NCOA2: variants seen among roughly 807,000 people sequenced by gnomAD.
NCOA2 encodes the protein nuclear receptor coactivator 2.
A neutral mutation model predicts 145.1 loss-of-function variants in NCOA2; 21 were observed. The ratio of observed to expected loss-of-function variants is 0.14; its 90% CI spans 0.10 to 0.21. NCOA2 has a LOEUF of 0.21. NCOA2 is among the 10% of genes least tolerant of loss of function. The pLI, the probability that NCOA2 is intolerant of heterozygous loss-of-function variation, is 1.00. For synonymous variants in NCOA2, 619 were observed against 637.5 expected, an observed-to-expected ratio of 0.97 and a Z score of 0.44; for missense variants, 1,472 against 1,837.6, an observed-to-expected ratio of 0.80 and a Z score of 3.64.
chr8:70,347,888 T>C (rs923713270), intron 1 of NCOA2, among the ~76,000 whole-genome samples: 27 of 152,230 alleles, frequency 1.8e-4, no homozygotes, highest in Non-Finnish European at 4.0e-4. Flanking sequence ...TGGACTTCTG[T>C]ATTGTTAATT....
rs368772002 is a variant in NCOA2 at position 70,180,111 on chromosome 8, C to T, written c.260-5252G>A. 3.6e-4 allele frequency among the ~76,000 whole-genome samples: 55 copies of T among 152,228 alleles called. No individual in the cohort carries two copies. The East Asian group carries it at 3.7e-3, about 10-fold the overall frequency. On this transcript the variant is annotated intron_variant, in intron 4 of 22. Coordinates refer to ENST00000452400, the MANE Select transcript of NCOA2 (RefSeq NM_006540.4). ...AGTTTTTCTTTTTAGATAAAGACCA[C>T]GACCTAAGAAAGTAACAATGAAAAT...
chr8:70,396,009 T>C (rs1813634156), intron 1 of NCOA2, among the ~76,000 whole-genome samples: 1 of 152,196 alleles, frequency 6.6e-6, no homozygotes, highest in Non-Finnish European at 1.5e-5. Flanking sequence ...GTGCAAACAA[T>C]TGAGCAGACA....
At chr8:70,403,810 C>T (rs1473466295), upstream of NCOA2, 2 of 397,170 alleles carry the variant, frequency 5.0e-6, no homozygotes, top group Non-Finnish European at 8.9e-6. Flanking sequence ...ATAACTGCTG[C>T]CTGGTTGTTT....
intron 1 of NCOA2, among the ~76,000 whole-genome samples, chr8:70,299,900 G>A (rs1827367595): frequency 6.6e-6 from 1 of 152,148 alleles, no homozygotes; most frequent in African/African-American, 2.4e-5. Flanking sequence ...TTTATCAAGG[G>A]ATTTTCTTAA....
In NCOA2 at chr8:70,248,065, C is replaced by G. The variant is rs148500494; in HGVS notation, c.-19-31301G>C. On this transcript the variant is annotated intron_variant, in intron 2 of 22. Coordinates refer to ENST00000452400, the MANE Select transcript of NCOA2 (RefSeq NM_006540.4). ...TTCTTCACCAAGGCAGTAGTGTTTA[C>G]AAGGGAATTAGACTAGATAATTTGT... is the stretch of plus-strand genomic sequence containing the variant. Among the ~76,000 whole-genome samples the G allele has an allele frequency of 2.0e-5, 3 of 152,268 alleles. No individual in the cohort carries two copies. In the East Asian group the frequency reaches 5.8e-4, roughly 29 times the overall value.
At chr8:70,237,381 C>T (rs1247169315) in intron 2 of NCOA2, among the ~76,000 whole-genome samples, 2 of 151,600 alleles carry the variant, frequency 1.3e-5, no homozygotes, top group Non-Finnish European at 2.9e-5. Flanking sequence ...CAACTTCTTA[C>T]TGTGCATGTC....
At chr8:70,441,040 AAGAGAAAGAAAAGAAAG>A in the NCOA2 span, among the ~76,000 whole-genome samples, 31 of 47,072 alleles carry the variant, frequency 6.6e-4, no homozygotes, top group Admixed American at 8.5e-3. Flanking sequence ...AAATGAAAGA[AAGAGAAAGAAAAGAAAG>A]AGAGAAAGAA....
chr8:70,122,028 T>C (rs1442027345), intron 21 of NCOA2, among the ~76,000 whole-genome samples: 1 of 152,170 alleles, frequency 6.6e-6, no homozygotes, highest in Non-Finnish European at 1.5e-5. Context: ...TTCAAAACAA[T>C]CTGGATTGTT....
the NCOA2 span, among the ~76,000 whole-genome samples, chr8:70,438,014 G>T: frequency 3.9e-5 from 6 of 152,146 alleles, no homozygotes; most frequent in Non-Finnish European, 5.9e-5. Context: ...TTATAATTTT[G>T]CAACTGTGTA....
At chr8:70,321,793 C>CT (rs559680322) in intron 1 of NCOA2, among the ~76,000 whole-genome samples, 2,736 of 73,452 alleles carry the variant, frequency 0.037, 492 homozygotes, top group Non-Finnish European at 0.045. Flanking sequence ...CAGAATATAC[C>CT]TTTTTTTTTT....
At chr8:70,268,242 C>T (rs1176574737) in intron 2 of NCOA2, among the ~76,000 whole-genome samples, 1 of 152,172 alleles carries the variant, frequency 6.6e-6, no homozygotes, top group Non-Finnish European at 1.5e-5. Context: ...CACAGTGGCT[C>T]GAAATCTCTC....
At chr8:70,439,756 T>C in the NCOA2 span, among the ~76,000 whole-genome samples, 15 of 152,304 alleles carry the variant, frequency 9.8e-5, no homozygotes, top group East Asian at 2.7e-3. Context: ...AGGCTTCTGC[T>C]GCTCTGTGCC....
At chr8:70,116,441 C>T (rs1340698658) in intron 22 of NCOA2, among the ~76,000 whole-genome samples, 1 of 151,850 alleles carries the variant, frequency 6.6e-6, no homozygotes, top group Non-Finnish European at 1.5e-5. Flanking sequence ...AATCCAGCTA[C>T]TTGGGAAGTG....
chr8:70,420,960 T>C, the NCOA2 span, among the ~76,000 whole-genome samples: 1 of 152,084 alleles, frequency 6.6e-6, no homozygotes, highest in African/African-American at 2.4e-5. Flanking sequence ...TTTTTTAAGG[T>C]ATCTGTTATC....
At chr8:70,157,409 T>C (rs1380896872) in intron 10 of NCOA2, among the ~76,000 whole-genome samples, 169 bp from the exon 11 acceptor site, 1 of 152,254 alleles carries the variant, frequency 6.6e-6, no homozygotes, top group Admixed American at 6.5e-5. Flanking sequence ...AGACTGAACA[T>C]GTACAGTGTT....
intron 2 of NCOA2, among the ~76,000 whole-genome samples, chr8:70,233,151 AGGAGGC>A (rs1821296164): frequency 6.6e-6 from 1 of 151,844 alleles, no homozygotes; most frequent in Admixed American, 6.6e-5. Context: ...GCTTGAACCC[AGGAGGC>A]GGAGGTTGCA....
chr8:70,327,049 C>T (rs554002536), intron 1 of NCOA2, among the ~76,000 whole-genome samples: 1 of 152,144 alleles, frequency 6.6e-6, no homozygotes, highest in Non-Finnish European at 1.5e-5. Context: ...TTAAGCTTTC[C>T]TTGCCTAACT....
At chr8:70,403,836 C>T (rs1586701643), upstream of NCOA2, 3 of 394,960 alleles carry the variant, frequency 7.6e-6, no homozygotes, top group South Asian at 1.3e-4. Context: ...AATGGAGATC[C>T]TCCCCCAACT....
intron 2 of NCOA2, among the ~76,000 whole-genome samples, chr8:70,250,389 T>A (rs1230127455): frequency 1.3e-5 from 1 of 74,378 alleles, no homozygotes; most frequent in African/African-American, 6.3e-5. Flanking sequence ...TGAGACCCTG[T>A]CTCAAAAAAA....
Sources: gnomAD v4.1 joint callset for allele counts (sites outside exome capture counted in the v4.1 genomes callset) on GRCh38, gnomAD v4.1.1 for gene constraint, MANE v1.5 for transcripts, NCBI Gene and HGNC (gene_info 2026-07-23, HGNC 2026-07-21) for gene names.